Variants in CATSPERB observed in about 807,000 individuals in gnomAD.
CATSPERB encodes catsper channel auxiliary subunit beta, also known as cation channel sperm-associated auxiliary subunit beta.
Under a neutral mutation model 128.3 loss-of-function variants are expected in CATSPERB, and 93 were observed. That is an observed-to-expected ratio of 0.72 (90% CI 0.61 to 0.86). The LOEUF (loss-of-function observed/expected upper bound fraction) is 0.86, where lower values mean the gene tolerates loss of function less well. Among genes scored for constraint, CATSPERB ranks in the 40% least tolerant of loss-of-function variants. The pLI, the probability that CATSPERB is intolerant of heterozygous loss-of-function variation, is 0.00. For missense variants in CATSPERB, 1,153 were observed against 1,329.5 expected (o/e 0.87, Z 2.06); for synonymous variants, 381 against 448.8 (o/e 0.85, Z 1.91).
chr14:91,661,173 T>C (rs1446490250), intron 14 of CATSPERB, among the ~76,000 whole-genome samples: 2 of 152,110 alleles, frequency 1.3e-5, no homozygotes. Flanking sequence ...GGTAGTTAGG[T>C]GTCTAAGGAA....
intron 10 of CATSPERB, among the ~76,000 whole-genome samples, chr14:91,688,985 A>G (rs944276470): frequency 1.4e-4 from 21 of 152,196 alleles, no homozygotes; most frequent in Admixed American, 1.2e-3. Flanking sequence ...CTTTGAAGAG[A>G]GGGCTCAGGT....
intron 22 of CATSPERB, chr14:91,605,423 T>A (rs972713964): frequency 1.4e-4 from 71 of 501,078 alleles, no homozygotes; most frequent in Middle Eastern, 5.3e-4. Flanking sequence ...AAATATGACC[T>A]CCAGAAGCGA....
intron 5 of CATSPERB, among the ~76,000 whole-genome samples, chr14:91,712,590 C>T (rs1409254665): frequency 1.3e-5 from 2 of 152,098 alleles, no homozygotes; most frequent in African/African-American, 2.4e-5. Context: ...TGTATTGCAT[C>T]GTTTACTGTC....
intron 22 of CATSPERB, among the ~76,000 whole-genome samples, chr14:91,601,423 G>A (rs541673164): frequency 2.0e-4 from 31 of 152,278 alleles, no homozygotes; most frequent in Non-Finnish European, 4.0e-4. Flanking sequence ...TATTTTTAGA[G>A]GGTGAGAGCC....
At chr14:91,605,597 T>C (rs1893685913) in intron 22 of CATSPERB, among the ~76,000 whole-genome samples, 1 of 152,170 alleles carries the variant, frequency 6.6e-6, no homozygotes, top group Admixed American at 6.6e-5. Flanking sequence ...GTCCCCAAAC[T>C]CTTTCGCTGG....
intron 22 of CATSPERB, among the ~76,000 whole-genome samples, chr14:91,600,621 T>C (rs1339873521): frequency 6.6e-6 from 1 of 152,236 alleles, no homozygotes; most frequent in Non-Finnish European, 1.5e-5. Context: ...AGAGGCTAAT[T>C]CTGCAAAATA....
rs182124475 is a variant in CATSPERB at position 91,604,135 on chromosome 14, T to G, written c.2709+4159A>C. ...TCTCCACTTCCTGAACTCCAGTGAT[T>G]CTCCAGCCTCAGCCTCCTGAGTAGC... On this transcript the variant is annotated intron_variant, in intron 22 of 26. Coordinates refer to ENST00000256343, the MANE Select transcript of CATSPERB (RefSeq NM_024764.4). Among the ~76,000 whole-genome samples, 447 of 152,130 alleles carry G rather than the reference T, an allele frequency of 2.9e-3. 1 individual carries two copies. The highest frequency in any genetic ancestry group is 0.01 in the African/African-American group (421 of 41,504).
rs1895707176 is a variant in CATSPERB, at chr14:91,704,648, T to G, written c.520A>C (p.Lys174Gln). The change falls in exon 7 of 27, where the codon AAA (lysine) becomes CAA (glutamine). Residue 174 changes from lysine (K) to glutamine (Q), a missense_variant. Transcript: ENST00000256343. ...AGATCTACCACATGTGGATATAATT[T>G]ACTGATTTCACTTTCTGGAATCACA... ...GDVIPESEIS[K>Q]LYPHVVDLKV... 1 of 1,613,810 alleles carries G rather than the reference T, an allele frequency of 6.2e-7. No individual in the cohort carries two copies. The highest frequency in any genetic ancestry group is 1.3e-5 in the African/African-American group (1 of 74,930).
intron 5 of CATSPERB, among the ~76,000 whole-genome samples, chr14:91,712,456 T>G (rs1171186951): frequency 6.6e-6 from 1 of 152,138 alleles, no homozygotes; most frequent in Non-Finnish European, 1.5e-5. Context: ...TAAGTAATGG[T>G]AGTCATAGCG....
intron 15 of CATSPERB, among the ~76,000 whole-genome samples, chr14:91,654,666 C>T (rs1223767643): frequency 6.6e-6 from 1 of 152,180 alleles, no homozygotes; most frequent in Non-Finnish European, 1.5e-5. Context: ...CTAGCTGGGG[C>T]TGGGGGCAAC....
Position 91,617,692 on chromosome 14 carries a change from T to G in CATSPERB, c.2305A>C (p.Asn769His), listed in dbSNP as rs1415948544. 2.5e-6 allele frequency: 4 copies of G among 1,602,188 alleles called. No homozygotes were observed. The African/African-American group carries it at 5.4e-5, about 22-fold the overall frequency. Residue 769 changes from asparagine (N) to histidine (H), a missense_variant, in exon 20 of 27, where the codon AAC becomes CAC. Coordinates refer to ENST00000256343, the MANE Select transcript of CATSPERB (RefSeq NM_024764.4). The part of the protein sequence containing the change: ...EIPLLTVFVG[N>H]PNLLEVTAEV... ...GCTGTAACTTCCAACAAATTAGGGT[T>G]TCCAACAAACACAGTCAGTAGTGGT... is the stretch of plus-strand genomic sequence containing the variant.
At chr14:91,636,290 G>A (rs984271966) in intron 17 of CATSPERB, 135 bp downstream of exon 17, 6 of 737,658 alleles carry the variant, frequency 8.1e-6, no homozygotes, top group Non-Finnish European at 1.4e-5. Flanking sequence ...TTGAGCCTGG[G>A]AGATTGAGGC....
intron 7 of CATSPERB, among the ~76,000 whole-genome samples, chr14:91,696,704 A>G (rs1227098331): frequency 6.6e-6 from 1 of 152,172 alleles, no homozygotes; most frequent in African/African-American, 2.4e-5. Flanking sequence ...CAATCCAGTG[A>G]GGAGGAAGAG....
In CATSPERB at chr14:91,591,907, C is replaced by T. The variant is rs201419603; in HGVS notation, c.2805G>A (p.Ser935=). The change falls in exon 23 of 27, where the codon TCG becomes TCA. Residue 935 remains serine (S), a synonymous_variant. Transcript: ENST00000256343. ...DQKFSHAVAF[S]DCREKVPRFK... ...ATGATCTTACTTTTTCCCTGCAATC[C>T]GAGAAAGCAACAGCATGTGAAAACT... 3.2e-5 allele frequency: 51 copies of T among 1,612,238 alleles called. No individual in the cohort carries two copies. The highest frequency in any genetic ancestry group is 6.7e-5 in the East Asian group (3 of 44,854).
chr14:91,695,204 A>C (rs1254100685), intron 7 of CATSPERB, among the ~76,000 whole-genome samples: 1 of 148,042 alleles, frequency 6.8e-6, no homozygotes, highest in East Asian at 2.0e-4. Context: ...ATCTCCACTC[A>C]CTGCAACCTT....
intron 11 of CATSPERB, among the ~76,000 whole-genome samples, chr14:91,682,130 C>T (rs753221919): frequency 6.6e-6 from 1 of 152,154 alleles, no homozygotes. Context: ...TGCCGTGGTG[C>T]GTGCAAGCCA....
intron 10 of CATSPERB, among the ~76,000 whole-genome samples, chr14:91,685,649 A>C (rs1471958423): frequency 6.6e-6 from 1 of 152,192 alleles, no homozygotes; most frequent in Non-Finnish European, 1.5e-5. Context: ...CAGGAGGAGC[A>C]CCTTGGTGGT....
rs534300526 is a variant in CATSPERB, at chr14:91,639,525, T to A, written c.1433-275A>T. ...GATCTAGAGGAAAAGCGGTTAGGTC[T>A]CTCTAGTAGTGGTTTCTCTTCCTAT... is the stretch of plus-strand genomic sequence containing the variant. On this transcript the variant is annotated intron_variant, in intron 15 of 26. Transcript: ENST00000256343. Among the ~76,000 whole-genome samples, 5 of 152,286 alleles carry A rather than the reference T, an allele frequency of 3.3e-5. No individual in the cohort carries two copies. The South Asian group carries it at 8.3e-4, about 25-fold the overall frequency.
intron 16 of CATSPERB, among the ~76,000 whole-genome samples, chr14:91,637,688 C>T (rs1237096504): frequency 6.6e-6 from 1 of 152,034 alleles, no homozygotes; most frequent in Admixed American, 6.6e-5. Context: ...TAAGAGCCAG[C>T]GATTATTTTT....
Sources: gnomAD v4.1 joint callset for allele counts (sites outside exome capture counted in the v4.1 genomes callset) on GRCh38, gnomAD v4.1.1 for gene constraint, MANE v1.5 for transcripts, NCBI Gene and HGNC (gene_info 2026-07-23, HGNC 2026-07-21) for gene names.